The following IQSEC1 variants were observed in gnomAD, a reference collection of about 807,000 sequenced individuals.
The protein encoded by IQSEC1 is IQ motif and SEC7 domain-containing protein 1.
A neutral mutation model predicts 91.0 loss-of-function variants in IQSEC1; 31 were observed. The ratio of observed to expected loss-of-function variants is 0.34; its 90% CI spans 0.26 to 0.46. The LOEUF (loss-of-function observed/expected upper bound fraction) is 0.46, where lower values mean the gene tolerates loss of function less well. Ranked by LOEUF, IQSEC1 falls within the 20% of genes least tolerant of loss-of-function variation. The probability of loss-of-function intolerance (pLI) is 1.00; values close to 1 mark genes in which losing one functional copy is unlikely to be tolerated. For synonymous variants in IQSEC1, 699 were observed against 662.6 expected, an observed-to-expected ratio of 1.05 and a Z score of -0.84; for missense variants, 1,388 against 1,575.6, an observed-to-expected ratio of 0.88 and a Z score of 2.02.
intron 1 of IQSEC1, among the ~76,000 whole-genome samples, chr3:13,171,566 T>A (rs1693612525): frequency 6.6e-6 from 1 of 152,180 alleles, no homozygotes; most frequent in African/African-American, 2.4e-5. Flanking sequence ...AACTCAGGGA[T>A]GTTGTTATAA....
At chr3:12,939,756 A>G (rs948895396) in intron 2 of IQSEC1, among the ~76,000 whole-genome samples, 2 of 152,130 alleles carry the variant, frequency 1.3e-5, no homozygotes, top group Non-Finnish European at 2.9e-5. Context: ...GCCTCCTTAG[A>G]GAGGTCTTCC....
upstream of IQSEC1, among the ~76,000 whole-genome samples, chr3:13,073,736 G>C (rs1311633775): frequency 6.6e-6 from 1 of 152,262 alleles, no homozygotes; most frequent in Non-Finnish European, 1.5e-5. Context: ...CGCGAGCCGC[G>C]GAGCTCTCGG....
chr3:12,988,340 G>A (rs990085511), intron 1 of IQSEC1, among the ~76,000 whole-genome samples: 13 of 152,116 alleles, frequency 8.5e-5, no homozygotes, highest in Non-Finnish European at 1.6e-4. Flanking sequence ...GCTTGAACCC[G>A]GGAAGTGCAG....
chr3:13,219,314 C>T (rs1346134071), intron 1 of IQSEC1, among the ~76,000 whole-genome samples: 1 of 152,222 alleles, frequency 6.6e-6, no homozygotes, highest in Non-Finnish European at 1.5e-5. Flanking sequence ...AGAACTGGCC[C>T]TTCACTGGCC....
intron 1 of IQSEC1, chr3:13,053,018 GATTTT>G (rs1704745578): frequency 2.6e-5 from 31 of 1,176,014 alleles, no homozygotes; most frequent in Non-Finnish European, 3.7e-5. Context: ...AGTTGTGCCT[GATTTT>G]ATTACCAGTT....
At chr3:13,244,054 C>T (rs374123181) in intron 1 of IQSEC1, among the ~76,000 whole-genome samples, 2 of 150,892 alleles carry the variant, frequency 1.3e-5, no homozygotes. Context: ...CCATTTCAGG[C>T]AGAGGGGTGG....
At chr3:13,054,767 G>A (rs888090146) in intron 1 of IQSEC1, among the ~76,000 whole-genome samples, 2 of 152,212 alleles carry the variant, frequency 1.3e-5, no homozygotes, top group African/African-American at 2.4e-5. Flanking sequence ...CCCGAGGGGG[G>A]AGGCTGTTTG....
At chr3:13,071,167 GT>G (rs1251040363) in intron 1 of IQSEC1, among the ~76,000 whole-genome samples, 2 of 101,876 alleles carry the variant, frequency 2.0e-5, no homozygotes, top group African/African-American at 7.9e-5. Context: ...TTTTTTTTTT[GT>G]TTGTTTCTTT....
chr3:13,252,979 GC>G (rs1273276895), intron 1 of IQSEC1, among the ~76,000 whole-genome samples: 1 of 152,084 alleles, frequency 6.6e-6, no homozygotes, highest in South Asian at 2.1e-4. Context: ...TGATCCGCCC[GC>G]CTCGGCCTCC....
chr3:13,282,140 G>A lies in IQSEC1; in HGVS notation c.272+571C>T, dbSNP rs536284226. The stretch of plus-strand genomic sequence containing the variant: ...CCCCGGGTAATCCCAGGGCGAGGCA[G>A]TCGGGAATTAACCCCAGCCTTGAAG... On this transcript the variant is annotated intron_variant, in intron 1 of 15. Transcript: ENST00000648114. This position sits in a 1 kb window ranked among gnomAD's most constrained non-coding sequence, Gnocchi z 6.4. 1.3e-3 allele frequency among the ~76,000 whole-genome samples: 204 copies of A among 152,316 alleles called. 4 individuals are homozygous for A. Among genetic ancestry groups the A allele is most frequent in the African/African-American group, 4.6e-3 (192 of 41,582 alleles).
intron 1 of IQSEC1, among the ~76,000 whole-genome samples, chr3:13,238,788 C>T (rs11711545): frequency 0.028 from 4,264 of 152,280 alleles, 112 homozygotes; most frequent in Non-Finnish European, 0.042. Flanking sequence ...CAGTCCAAGC[C>T]ACACACCACC....
chr3:12,939,524 G>A (rs751499069), intron 2 of IQSEC1, among the ~76,000 whole-genome samples: 9 of 152,200 alleles, frequency 5.9e-5, no homozygotes, highest in Non-Finnish European at 1.3e-4. Flanking sequence ...GTGGAATCGG[G>A]CACCCTACTT....
chr3:13,108,782 C>T (rs955016833), intron 2 of IQSEC1, among the ~76,000 whole-genome samples: 1 of 152,160 alleles, frequency 6.6e-6, no homozygotes, highest in Non-Finnish European at 1.5e-5. Flanking sequence ...AAGGGTAAGT[C>T]GCAACCAGAT....
At chr3:12,927,010 C>T (rs982472985) in intron 3 of IQSEC1, among the ~76,000 whole-genome samples, 2 of 152,168 alleles carry the variant, frequency 1.3e-5, no homozygotes, top group Non-Finnish European at 2.9e-5. Context: ...TCACATGCCT[C>T]GCTATGATTC....
intron 10 of IQSEC1, among the ~76,000 whole-genome samples, chr3:12,911,213 A>C (rs79825298): frequency 1.3e-5 from 2 of 152,208 alleles, no homozygotes; most frequent in African/African-American, 4.8e-5. Context: ...CAGAGCTGGG[A>C]TCTGACCCAG....
At chr3:13,114,693 T>C (rs756578290) in intron 2 of IQSEC1, among the ~76,000 whole-genome samples, 1 of 148,954 alleles carries the variant, frequency 6.7e-6, no homozygotes, top group African/African-American at 2.5e-5. Flanking sequence ...CTCAGGAGGC[T>C]GAGGCAGGAG....
intron 1 of IQSEC1, among the ~76,000 whole-genome samples, chr3:13,252,508 T>C (rs1695211321): frequency 6.6e-6 from 1 of 152,230 alleles, no homozygotes; most frequent in Non-Finnish European, 1.5e-5. Context: ...TGAATGTGGG[T>C]GTGCGAGTAT....
At chr3:13,277,309 T>A (rs776405440) in intron 1 of IQSEC1, among the ~76,000 whole-genome samples, 12 of 152,080 alleles carry the variant, frequency 7.9e-5, no homozygotes, top group Non-Finnish European at 1.6e-4. Context: ...CAAAGCCTCC[T>A]GATCTCTGCC....
chr3:13,266,581 C>T (rs1163932655), intron 1 of IQSEC1, among the ~76,000 whole-genome samples: 1 of 143,984 alleles, frequency 6.9e-6, no homozygotes, highest in African/African-American at 2.5e-5. Flanking sequence ...GAGGAAGCAG[C>T]TTTTTTTTTT....
Sources: allele counts gnomAD v4.1 joint callset (sites outside exome capture counted in the v4.1 genomes callset), GRCh38; gene constraint gnomAD v4.1.1; non-coding constraint Gnocchi (gnomAD v3.1); transcripts MANE v1.5; gene names NCBI Gene and HGNC (gene_info 2026-07-23, HGNC 2026-07-21).